SRFBP1: variants seen among roughly 807,000 people sequenced by gnomAD.
SRFBP1 encodes serum response factor binding protein 1.
In SRFBP1, 47 loss-of-function variants were observed where a neutral mutation model predicts 45.5. The ratio of observed to expected loss-of-function variants is 1.03; its 90% confidence interval spans 0.82 to 1.32. The LOEUF is 1.32. SRFBP1 is among the 40% of genes most tolerant of loss of function. The pLI is 0.00. For synonymous variants in SRFBP1, 203 were observed against 166.3 expected, an observed-to-expected ratio of 1.22 and a Z score of -1.70; for missense variants, 621 against 484.6, an observed-to-expected ratio of 1.28 and a Z score of -2.64.
At chr5:121,964,589 A>G (rs191390356) in intron 1 of SRFBP1, among the ~76,000 whole-genome samples, 63 of 152,264 alleles carry the variant, frequency 4.1e-4, no homozygotes, top group South Asian at 1.2e-3. Flanking sequence ...TATCCAGTCT[A>G]TCATTGATGG....
At chr5:121,966,619 G>T (rs1016854065) in intron 1 of SRFBP1, among the ~76,000 whole-genome samples, 2 of 152,132 alleles carry the variant, frequency 1.3e-5, no homozygotes, top group African/African-American at 4.8e-5. Context: ...TGCAAAACTA[G>T]AGCTAGATTT....
Position 122,010,736 on chromosome 5 carries a change from CAAA to C in SRFBP1, c.271-8519_271-8517del, listed in dbSNP as rs1350978155. Among the ~76,000 whole-genome samples, 8 of 150,246 alleles carry C rather than the reference CAAA, an allele frequency of 5.3e-5. No homozygotes were observed. The South Asian group carries it at 8.4e-4, about 16-fold the overall frequency. On this transcript the variant is annotated intron_variant, in intron 4 of 7. Transcript: ENST00000339397. ...ATTTCCCATAAAATTTTAATTTTCA[CAAA>C]AAAACTGTATTTATATATGACCAGT...
In SRFBP1 at chr5:122,020,375, GT is replaced by G; in HGVS notation, c.643del (p.Ser215ProfsTer13). The G allele has an allele frequency of 1.2e-6, 2 of 1,614,082 alleles. No individual in the cohort carries two copies. The highest frequency in any genetic ancestry group is 1.7e-6 in the Non-Finnish European group (2 of 1,179,988). The part of the protein sequence containing the change: ...PSKPSEKDSV[V>X]SLESQKTPAD... The stretch of plus-strand genomic sequence containing the variant: ...AAAGCCTTCAGAAAAGGATTCTGTA[GT>G]TTCCCTTGAGTCCCAGAAGACACCT... On this transcript the variant is annotated frameshift_variant, in exon 6 of 8. Transcript: ENST00000339397. LOFTEE classifies it high-confidence loss of function.
At chr5:122,018,062 A>T (rs762699929) in intron 4 of SRFBP1, among the ~76,000 whole-genome samples, 1 of 152,226 alleles carries the variant, frequency 6.6e-6, no homozygotes, top group African/African-American at 2.4e-5. Context: ...AGTTGAGATG[A>T]CATTTAAGCA....
At position 122,020,163 on chromosome 5, in the gene SRFBP1, A is replaced by G. The variant is rs775352601; in HGVS notation, c.428A>G (p.Asn143Ser). Reference protein sequence around the residue: ...VESSKNASEDNHSENTLYSND... With the variant: ...VESSKNASEDSHSENTLYSND... ...TCATCAAAGAATGCTTCAGAGGACA[A>G]TCATTCTGAGAATACTTTGTATTCA... The change falls in exon 6 of 8, where the codon AAT (asparagine) becomes AGT (serine). Residue 143 changes from asparagine (N) to serine (S), a missense_variant. Coordinates refer to ENST00000339397, the MANE Select transcript of SRFBP1 (RefSeq NM_152546.3). 8 of 1,608,968 alleles carry G rather than the reference A, an allele frequency of 5.0e-6. No individual in the cohort carries two copies. Among genetic ancestry groups the G allele is most frequent in the Non-Finnish European group, 6.8e-6 (8 of 1,178,466 alleles).
At chr5:121,977,871 C>G (rs1053950065) in intron 3 of SRFBP1, among the ~76,000 whole-genome samples, 3 of 152,098 alleles carry the variant, frequency 2.0e-5, no homozygotes, top group South Asian at 4.1e-4. Context: ...ATCATAGGTT[C>G]TAATTTTATA....
intron 2 of SRFBP1, among the ~76,000 whole-genome samples, chr5:122,043,657 G>A (rs1727546611): frequency 6.6e-6 from 1 of 152,068 alleles, no homozygotes; most frequent in Non-Finnish European, 1.5e-5. Flanking sequence ...TCTCTTTACA[G>A]TTGTAATTTT....
chr5:122,003,108 C>A (rs1051606460), intron 4 of SRFBP1, among the ~76,000 whole-genome samples: 8 of 152,020 alleles, frequency 5.3e-5, no homozygotes, highest in Non-Finnish European at 1.0e-4. Flanking sequence ...TTTGGGAGGC[C>A]AAGACAGATG....
downstream of SRFBP1, among the ~76,000 whole-genome samples, chr5:122,031,161 C>A (rs1041756571): frequency 3.3e-5 from 5 of 152,146 alleles, no homozygotes; most frequent in Non-Finnish European, 7.3e-5. Flanking sequence ...TATTAGCACA[C>A]TACTAAGCAT....
At chr5:121,975,558 A>C (rs531812643) in intron 3 of SRFBP1, among the ~76,000 whole-genome samples, 171 bp downstream of exon 3, 1 of 152,160 alleles carries the variant, frequency 6.6e-6, no homozygotes, top group Non-Finnish European at 1.5e-5. Context: ...GTAACATTTA[A>C]GCTTGCATTT....
chr5:121,971,194 G>T (rs149120516), intron 1 of SRFBP1, among the ~76,000 whole-genome samples: 1 of 151,958 alleles, frequency 6.6e-6, no homozygotes, highest in Non-Finnish European at 1.5e-5. Flanking sequence ...ATTTTATTGC[G>T]ATGGCATTGT....
intron 2 of SRFBP1, among the ~76,000 whole-genome samples, chr5:122,052,667 T>C (rs911163840): frequency 6.6e-6 from 1 of 152,200 alleles, no homozygotes; most frequent in Non-Finnish European, 1.5e-5. Flanking sequence ...CAGTGATTCT[T>C]AGCTTCCTTG....
chr5:122,004,110 A>C (rs560367707), intron 4 of SRFBP1, among the ~76,000 whole-genome samples: 1 of 152,186 alleles, frequency 6.6e-6, no homozygotes, highest in East Asian at 1.9e-4. Flanking sequence ...TGGTGTAGCA[A>C]GTGTAGCTGG....
rs564884170 is a variant in SRFBP1, at chr5:121,987,235, A to G, written c.199-7364A>G. ...GCAGAAAGGGTGATAGGAGCATAACAGAAGCATAGTGAAGGGACTCCCAGT... is the reference window on the plus strand; with the variant it reads ...GCAGAAAGGGTGATAGGAGCATAACGGAAGCATAGTGAAGGGACTCCCAGT... On this transcript the variant is annotated intron_variant, in intron 3 of 7. Transcript: ENST00000339397. Among the ~76,000 whole-genome samples, 3 of 151,614 alleles carry G rather than the reference A, an allele frequency of 2.0e-5. No individual in the cohort carries two copies. The South Asian group carries it at 6.2e-4, about 31-fold the overall frequency.
intron 4 of SRFBP1, among the ~76,000 whole-genome samples, chr5:122,002,653 GA>G (rs1273287298): frequency 6.6e-6 from 1 of 152,210 alleles, no homozygotes; most frequent in Non-Finnish European, 1.5e-5. Flanking sequence ...TGAGATGTGA[GA>G]AATTGTTGAA....
At chr5:122,063,403 C>T (rs1754218486) in intron 2 of SRFBP1, 1 of 151,830 alleles carries the variant, frequency 6.6e-6, no homozygotes, top group Admixed American at 6.6e-5. Flanking sequence ...AAACCTAACA[C>T]CAAATGACAT....
chr5:121,991,874 C>T (rs993643973), intron 3 of SRFBP1, among the ~76,000 whole-genome samples: 7 of 151,866 alleles, frequency 4.6e-5, no homozygotes, highest in Non-Finnish European at 8.8e-5. Context: ...CGAGTTGGTC[C>T]AAAATACCGA....
At chr5:122,019,003 TTA>T (rs1233743630) in intron 4 of SRFBP1, among the ~76,000 whole-genome samples, 1 of 152,204 alleles carries the variant, frequency 6.6e-6, no homozygotes, top group Non-Finnish European at 1.5e-5. Context: ...TCTGAGAATA[TTA>T]AGTATCGTAT....
Position 122,020,694 on chromosome 5 carries a change from G to GT in SRFBP1, c.960dup (p.Glu321Ter). The GT allele has an allele frequency of 6.2e-7, 1 of 1,613,910 alleles. No homozygotes were observed. The highest frequency in any genetic ancestry group is 8.5e-7 in the Non-Finnish European group (1 of 1,179,936). ...AAAGTGTTTCTTAAAGAAGATACAG[G>GT]TGAAACTCATGGGGATACAAGAAAT... On this transcript the variant is annotated frameshift_variant, in exon 6 of 8. Transcript: ENST00000339397. LOFTEE classifies it high-confidence loss of function.
Sources: allele counts gnomAD v4.1 joint callset (sites outside exome capture counted in the v4.1 genomes callset), GRCh38; gene constraint gnomAD v4.1.1; transcripts MANE v1.5; gene names NCBI Gene and HGNC (gene_info 2026-07-23, HGNC 2026-07-21).